The following RDX variants were observed in gnomAD, a reference collection of about 807,000 sequenced individuals.
The protein encoded by RDX is radixin.
In RDX, 32 loss-of-function variants were observed where a neutral mutation model predicts 83.7. The observed-to-expected ratio is 0.38, with a 90% CI of 0.29 to 0.51. RDX has a LOEUF of 0.51. Ranked by LOEUF, RDX falls within the 20% of genes least tolerant of loss-of-function variation. The pLI is 0.87. For synonymous variants in RDX, 229 were observed against 222.7 expected (o/e 1.03, Z -0.25); for missense variants, 600 against 689.9 (o/e 0.87, Z 1.46).
chr11:110,273,212 C>A, intron 2 of RDX: 2 of 348,236 alleles, frequency 5.7e-6, no homozygotes, highest in Non-Finnish European at 5.7e-6. Context: ...GACCCTGCCT[C>A]CAAAAACAAA....
In RDX at chr11:110,206,790, G is replaced by A. The variant is rs370514398; in HGVS notation, c.1749-7112C>T. Among the ~76,000 whole-genome samples the A allele has an allele frequency of 4.6e-5, 7 of 152,022 alleles. No homozygotes were observed. The East Asian group carries it at 7.7e-4, about 17-fold the overall frequency. On this transcript the variant is annotated intron_variant, in intron 14 of 15. Transcript: ENST00000528498. ...AATATCTTTGGTCTTTGAGCCATTC[G>A]AATTTCAAAGGTCTCAAAGAAACTA...
chr11:110,293,499 C>A (rs1861326469), intron 1 of RDX, among the ~76,000 whole-genome samples: 1 of 152,140 alleles, frequency 6.6e-6, no homozygotes. Context: ...CTCTCTGGGG[C>A]CAGATTGGAC....
rs1859440445 is a variant in RDX, at chr11:110,253,963, A to G, written c.942T>C (p.His314=). ...CCCCATACCTTTCCAACTGCTTCTGATGTTTCTCCTCCCTAGCCTGAGCCT... is the reference window on the plus strand; with the variant it reads ...CCCCATACCTTTCCAACTGCTTCTGGTGTTTCTCCTCCCTAGCCTGAGCCT... The part of the protein sequence containing the change: ...QMKAQAREEK[H]QKQLERAQLE... The change falls in exon 9 of 14, where the codon CAT becomes CAC. Residue 314 remains histidine, a synonymous_variant. Coordinates refer to ENST00000645495, the MANE Select transcript of RDX (RefSeq NM_002906.4). 4 of 1,613,592 alleles carry G rather than the reference A, an allele frequency of 2.5e-6. No individual in the cohort carries two copies. The highest frequency in any genetic ancestry group is 3.4e-6 in the Non-Finnish European group (4 of 1,179,730).
intron 14 of RDX, among the ~76,000 whole-genome samples, chr11:110,216,567 GA>G (rs1241568713): frequency 6.7e-6 from 1 of 148,364 alleles, no homozygotes; most frequent in Non-Finnish European, 1.5e-5. Flanking sequence ...AAATAGAGAG[GA>G]GGTCTCACTA....
At chr11:110,292,112 G>C (rs772149585) in intron 1 of RDX, among the ~76,000 whole-genome samples, 1 of 152,136 alleles carries the variant, frequency 6.6e-6, no homozygotes, top group African/African-American at 2.4e-5. Context: ...GGCCAACATG[G>C]TAACACCCTG....
intron 2 of RDX, among the ~76,000 whole-genome samples, chr11:110,274,772 T>A (rs1860445435): frequency 6.6e-6 from 1 of 152,252 alleles, no homozygotes; most frequent in South Asian, 2.1e-4. Flanking sequence ...GAACTTTCAC[T>A]GCTATGCAAC....
intron 5 of RDX, among the ~76,000 whole-genome samples, chr11:110,260,851 T>C (rs1364072388): frequency 1.3e-5 from 2 of 152,350 alleles, no homozygotes; most frequent in Admixed American, 6.5e-5. Flanking sequence ...AGTATAATAA[T>C]ACACTAATAC....
chr11:110,257,021 A>G (rs1319059816), intron 7 of RDX, among the ~76,000 whole-genome samples: 1 of 127,986 alleles, frequency 7.8e-6, no homozygotes, highest in African/African-American at 3.2e-5. Context: ...TAAATAAATT[A>G]AAGTCTAAGA....
chr11:110,192,108 G>C (rs1237942240), intron 15 of RDX, among the ~76,000 whole-genome samples: 1 of 152,086 alleles, frequency 6.6e-6, no homozygotes, highest in Non-Finnish European at 1.5e-5. Flanking sequence ...AACAAAACCA[G>C]AGGCATCACG....
chr11:110,239,841 T>TTAA (rs1355828056), intron 10 of RDX, among the ~76,000 whole-genome samples: 1 of 134,608 alleles, frequency 7.4e-6, no homozygotes, highest in Non-Finnish European at 1.6e-5. Flanking sequence ...ACTCTGTTTT[T>TTAA]AAAAAAAAAA....
In RDX at chr11:110,261,003, C is replaced by CAAGAT. The variant is rs555754179; in HGVS notation, c.468-2819_468-2815dup. Among the ~76,000 whole-genome samples the CAAGAT allele has an allele frequency of 1.7e-3, 253 of 152,240 alleles. 2 individuals are homozygous for CAAGAT. Among genetic ancestry groups the CAAGAT allele is most frequent in the African/African-American group, 5.9e-3 (244 of 41,550 alleles). ...CCCAAAGACAAAAGCTGAGGTCCAA[C>CAAGAT]AAGATCTGTCCTAGGTCTTTTTCTC... On this transcript the variant is annotated intron_variant, in intron 5 of 13. Transcript: ENST00000645495.
intron 2 of RDX, among the ~76,000 whole-genome samples, chr11:110,276,076 G>A (rs1454118996): frequency 1.3e-5 from 2 of 152,088 alleles, no homozygotes; most frequent in African/African-American, 4.8e-5. Context: ...ATCAGTCACT[G>A]CACCCAGCCA....
intron 14 of RDX, among the ~76,000 whole-genome samples, chr11:110,210,668 G>C (rs1863800166): frequency 6.6e-6 from 1 of 151,206 alleles, no homozygotes; most frequent in South Asian, 2.1e-4. Context: ...AGCCAGAAGA[G>C]AGTGGGGGCC....
intron 14 of RDX, among the ~76,000 whole-genome samples, chr11:110,205,399 A>C (rs1440447385): frequency 1.3e-5 from 2 of 148,712 alleles, no homozygotes; most frequent in Non-Finnish European, 3.0e-5. Context: ...TTATAAATTA[A>C]GCTACAAGAA....
chr11:110,214,519 C>T (rs1474238111), intron 14 of RDX, among the ~76,000 whole-genome samples: 1 of 118,032 alleles, frequency 8.5e-6, no homozygotes, highest in African/African-American at 3.3e-5. Flanking sequence ...ATAAATCATG[C>T]TGCTATAAAG....
chr11:110,296,119 G>C (rs1861445893), intron 1 of RDX, among the ~76,000 whole-genome samples: 1 of 152,218 alleles, frequency 6.6e-6, no homozygotes, highest in Non-Finnish European at 1.5e-5. Context: ...CCGTCCCCAG[G>C]GCGCTGGGGG....
chr11:110,178,025 G>A (rs1862811366), intron 15 of RDX, among the ~76,000 whole-genome samples: 1 of 151,910 alleles, frequency 6.6e-6, no homozygotes, highest in South Asian at 2.1e-4. Flanking sequence ...GACATCCCAG[G>A]TCCACCATCT....
chr11:110,232,070 T>G (rs1381869359), intron 13 of RDX, 37 bp from the exon 14 acceptor site: 1 of 1,532,096 alleles, frequency 6.5e-7, no homozygotes, highest in African/African-American at 1.4e-5. Context: ...ATTATTTTTT[T>G]CTTAGATTTA....
intron 15 of RDX, chr11:110,185,050 G>A (rs185559328): frequency 7.0e-4 from 107 of 152,252 alleles, no homozygotes; most frequent in African/African-American, 2.6e-3. Flanking sequence ...TCAATGACAA[G>A]TCATTAAAAT....
Sources: allele counts gnomAD v4.1 joint callset (sites outside exome capture counted in the v4.1 genomes callset), GRCh38; gene constraint gnomAD v4.1.1; transcripts MANE v1.5; gene names NCBI Gene and HGNC (gene_info 2026-07-23, HGNC 2026-07-21).